PLXNA4: variants seen among roughly 807,000 people sequenced by gnomAD.
The protein encoded by PLXNA4 is plexin-A4.
A neutral mutation model predicts 191.8 loss-of-function variants in PLXNA4; 44 were observed. The ratio of observed to expected loss-of-function variants is 0.23; its 90% CI spans 0.18 to 0.29. PLXNA4 has a LOEUF of 0.29. PLXNA4 is among the 10% of genes least tolerant of loss of function. The pLI is 1.00. For synonymous variants in PLXNA4, 1,082 were observed against 1,009.5 expected (o/e 1.07, Z -1.36); for missense variants, 1,800 against 2,488.8 (o/e 0.72, Z 5.89).
intron 3 of PLXNA4, among the ~76,000 whole-genome samples, chr7:132,462,070 T>C (rs916242899): frequency 4.6e-5 from 7 of 152,200 alleles, no homozygotes; most frequent in Admixed American, 2.6e-4. Context: ...GATGAATCCA[T>C]GTTGAAATTA....
chr7:132,527,378 C>CA (rs977410166), intron 1 of PLXNA4, among the ~76,000 whole-genome samples: 1 of 151,934 alleles, frequency 6.6e-6, no homozygotes, highest in Non-Finnish European at 1.5e-5. Flanking sequence ...CAACTGCCTT[C>CA]AAAACTTGTA....
At position 132,128,529 on chromosome 7, in the gene PLXNA4, G is replaced by A. The variant is rs1274448771; in HGVS notation, c.*1950C>T. 1.1e-4 allele frequency: 1 copy of A among 9,410 alleles called. No homozygotes were observed. The highest frequency in any genetic ancestry group is 1.3e-4 in the African/African-American group (1 of 7,588). The allele number at this position is 9,410 out of a possible 1,614,324, so 0.6% of individuals were successfully genotyped here. A position where few individuals can be genotyped will look rare whatever the true frequency, so the allele number is the denominator to read the frequency against. ...GCTGCAGGATGAATGGATGAGCAAG[G>A]GGAAAGAGAAGGGGAACACTTCAAA... On this transcript the variant is annotated 3_prime_UTR_variant, in exon 32 of 32. Transcript: ENST00000321063.
intron 2 of PLXNA4, among the ~76,000 whole-genome samples, chr7:132,613,360 C>A (rs149237526): frequency 6.6e-6 from 1 of 152,190 alleles, no homozygotes; most frequent in African/African-American, 2.4e-5. Flanking sequence ...CACCCTCCCC[C>A]CCGACATCTC....
At chr7:132,456,633 C>T (rs1022421057) in intron 3 of PLXNA4, among the ~76,000 whole-genome samples, 1 of 151,084 alleles carries the variant, frequency 6.6e-6, no homozygotes, top group African/African-American at 2.4e-5. Flanking sequence ...AGCTGCGAAC[C>T]GGCAGCCACT....
intron 9 of PLXNA4, 111 bp downstream of exon 9, chr7:132,223,416 G>A: frequency 1.2e-6 from 1 of 857,220 alleles, no homozygotes; most frequent in Admixed American, 2.1e-5. Flanking sequence ...AGGAAGAAGG[G>A]GGTGGTCCTG....
At chr7:132,328,796 C>T (rs1450236189) in intron 3 of PLXNA4, among the ~76,000 whole-genome samples, 1 of 152,172 alleles carries the variant, frequency 6.6e-6, no homozygotes, top group African/African-American at 2.4e-5. Flanking sequence ...TGATCACTCC[C>T]TCTGCACCGC....
chr7:132,385,281 G>A (rs777460548), intron 3 of PLXNA4: 4 of 1,613,104 alleles, frequency 2.5e-6, no homozygotes, highest in African/African-American at 2.7e-5. Context: ...TAGGGCAGAG[G>A]CTGGTACCAG....
chr7:132,394,428 C>G (rs1441357455), intron 3 of PLXNA4, among the ~76,000 whole-genome samples: 1 of 152,232 alleles, frequency 6.6e-6, no homozygotes, highest in Admixed American at 6.5e-5. Context: ...AGTCCCAGCT[C>G]TGCCACAAAT....
At chr7:132,528,988 G>A (rs982851921) in intron 1 of PLXNA4, among the ~76,000 whole-genome samples, 22 of 152,196 alleles carry the variant, frequency 1.4e-4, no homozygotes, top group African/African-American at 4.8e-4. Flanking sequence ...GGGTGTCTAG[G>A]ACAGCAACAG....
intron 3 of PLXNA4, among the ~76,000 whole-genome samples, chr7:132,429,202 A>G (rs1223355060): frequency 6.6e-6 from 1 of 152,008 alleles, no homozygotes; most frequent in Admixed American, 6.5e-5. Context: ...AGCCAACAGA[A>G]CTCAGGACTC....
intron 1 of PLXNA4, among the ~76,000 whole-genome samples, chr7:132,519,262 CT>C: frequency 6.6e-6 from 1 of 152,364 alleles, no homozygotes; most frequent in African/African-American, 2.4e-5. Flanking sequence ...TATGTGGCCA[CT>C]GTCTCCTACC....
intron 12 of PLXNA4, among the ~76,000 whole-genome samples, chr7:132,201,632 T>C (rs1023449514): frequency 6.6e-6 from 1 of 152,186 alleles, no homozygotes; most frequent in Non-Finnish European, 1.5e-5. Context: ...TGCTCAGCCC[T>C]GAGCTGGAGG....
At chr7:132,342,946 CA>C (rs370055779) in intron 3 of PLXNA4, among the ~76,000 whole-genome samples, 8,369 of 102,272 alleles carry the variant, frequency 0.082, 344 homozygotes, top group African/African-American at 0.17. Context: ...GACTCTGCCT[CA>C]AAAAAAAAAA....
At chr7:132,551,973 G>T (rs950940930) in intron 1 of PLXNA4, among the ~76,000 whole-genome samples, 2 of 152,152 alleles carry the variant, frequency 1.3e-5, no homozygotes, top group African/African-American at 4.8e-5. Context: ...CCAGGAGTCA[G>T]GGCCAGGTTG....
rs73499326 is a variant in PLXNA4, at chr7:132,170,660, T to C, written c.4018-2088A>G. Among the ~76,000 whole-genome samples the C allele has an allele frequency of 2.5e-3, 381 of 152,288 alleles. 6 individuals carry two copies. Among genetic ancestry groups the C allele is most frequent in the African/African-American group, 8.5e-3 (354 of 41,564 alleles). ...CAGATCCAGGCCCTGTCCTGAGAAG[T>C]TCAACCAGGAGGCCAGCCCCAGAGA... On this transcript the variant is annotated intron_variant, in intron 21 of 31. Coordinates refer to ENST00000321063, the MANE Select transcript of PLXNA4 (RefSeq NM_020911.2).
rs190643489 is a variant in PLXNA4, at chr7:132,506,244, C to G, written c.1188+1262G>C. On this transcript the variant is annotated intron_variant, in intron 2 of 31. Coordinates refer to ENST00000321063, the MANE Select transcript of PLXNA4 (RefSeq NM_020911.2). ...AGACCAGAGTGATGGCCTCTCCACA[C>G]TCTGGCTGGGGAGGGTGCCAGTCCC... is the stretch of plus-strand genomic sequence containing the variant. Among the ~76,000 whole-genome samples the G allele has an allele frequency of 2.0e-5, 3 of 152,292 alleles. No homozygotes were observed. The East Asian group carries it at 5.8e-4, about 30-fold the overall frequency.
At chr7:132,535,816 C>T (rs576293037) in intron 1 of PLXNA4, among the ~76,000 whole-genome samples, 8 of 152,236 alleles carry the variant, frequency 5.3e-5, no homozygotes, top group Non-Finnish European at 1.0e-4. Context: ...TTACAGAGAA[C>T]TTGCCACAGG....
chr7:132,130,569 A>C lies in PLXNA4; in HGVS notation c.5595T>G (p.Leu1865=), dbSNP rs754527335. Residue 1865 remains leucine, a synonymous_variant, in exon 32 of 32, where the codon CTT becomes CTG. Transcript: ENST00000321063. Reference sequence around the variant, plus strand: ...ACTGGTCATCGTGGTCCAGAGGTCCAAGGATCTGCGGAAGGGCCAAGAACA... The same window carrying C: ...ACTGGTCATCGTGGTCCAGAGGTCCCAGGATCTGCGGAAGGGCCAAGAACA... ...SYVGKYSEEI[L]GPLDHDDQCG... 6.2e-7 allele frequency: 1 copy of C among 1,614,142 alleles called. No individual in the cohort carries two copies. The highest frequency in any genetic ancestry group is 2.2e-5 in the East Asian group (1 of 44,858).
At chr7:132,396,494 T>G (rs970477211) in intron 3 of PLXNA4, among the ~76,000 whole-genome samples, 3 of 149,184 alleles carry the variant, frequency 2.0e-5, no homozygotes, top group African/African-American at 7.8e-5. Flanking sequence ...GGTTTTTTAT[T>G]TTTTTTGTTT....
Sources: gnomAD v4.1 joint callset for allele counts (sites outside exome capture counted in the v4.1 genomes callset) on GRCh38, gnomAD v4.1.1 for gene constraint, MANE v1.5 for transcripts, NCBI Gene and HGNC (gene_info 2026-07-23, HGNC 2026-07-21) for gene names.